The following KCTD16 variants were observed in gnomAD, a reference collection of about 807,000 sequenced individuals.
KCTD16 encodes BTB/POZ domain-containing protein KCTD16.
In KCTD16, 13 loss-of-function variants were observed where a neutral mutation model predicts 33.2. That is an observed-to-expected ratio of 0.39 (90% confidence interval 0.25 to 0.62). The LOEUF is 0.62. Ranked by LOEUF, KCTD16 falls within the 20% of genes least tolerant of loss-of-function variation. KCTD16 has a pLI of 0.50. For missense variants in KCTD16, 441 were observed against 525.1 expected (o/e 0.84, Z 1.57); for synonymous variants, 197 against 195.3 (o/e 1.01, Z -0.07).
chr5:144,458,925 A>G (rs984115132), intron 3 of KCTD16, among the ~76,000 whole-genome samples: 3 of 152,224 alleles, frequency 2.0e-5, no homozygotes, highest in Non-Finnish European at 2.9e-5. Flanking sequence ...GTAATTAACC[A>G]GAATGCATAT....
At chr5:144,226,008 T>A (rs1420132862) in intron 3 of KCTD16, among the ~76,000 whole-genome samples, 1 of 152,252 alleles carries the variant, frequency 6.6e-6, no homozygotes, top group African/African-American at 2.4e-5. Flanking sequence ...TGAATCTTGA[T>A]GAAAATCCTA....
At chr5:144,348,100 A>G (rs1752853512) in intron 3 of KCTD16, among the ~76,000 whole-genome samples, 1 of 152,154 alleles carries the variant, frequency 6.6e-6, no homozygotes, top group Admixed American at 6.6e-5. Flanking sequence ...GTTTAACCAC[A>G]TTCCAATGCC....
At position 144,485,483 on chromosome 5, in the gene KCTD16, A is replaced by C. The variant is rs1220961038; in HGVS notation, c.*11369A>C. 1 of 151,914 alleles carries C rather than the reference A, an allele frequency of 6.6e-6. No homozygotes were observed. Among genetic ancestry groups the C allele is most frequent in the Non-Finnish European group, 1.5e-5 (1 of 67,886 alleles). The allele number at this position is 151,914 out of a possible 1,614,324, so 9.4% of individuals were successfully genotyped here. A position where few individuals can be genotyped will look rare whatever the true frequency, so the allele number is the denominator to read the frequency against. ...ATAGTATGGTAAATGATACAGGTGCAGTATCAGTATTGTAAAATTGTATGG... is the reference window on the plus strand; with the variant it reads ...ATAGTATGGTAAATGATACAGGTGCCGTATCAGTATTGTAAAATTGTATGG... On this transcript the variant is annotated 3_prime_UTR_variant, in exon 4 of 4. Coordinates refer to ENST00000512467, the MANE Select transcript of KCTD16 (RefSeq NM_020768.4).
At chr5:144,290,772 C>T (rs1486394496) in intron 3 of KCTD16, among the ~76,000 whole-genome samples, 1 of 152,152 alleles carries the variant, frequency 6.6e-6, no homozygotes, top group Non-Finnish European at 1.5e-5. Context: ...TTCATAATTT[C>T]AGCTGATGTT....
intron 3 of KCTD16, among the ~76,000 whole-genome samples, chr5:144,370,418 CTG>C (rs1189431436): frequency 5.3e-5 from 8 of 152,188 alleles, no homozygotes; most frequent in Admixed American, 4.6e-4. Flanking sequence ...TGAAAGCAGA[CTG>C]TGCACTGAGA....
intron 3 of KCTD16, among the ~76,000 whole-genome samples, chr5:144,400,860 G>A (rs2126946024): frequency 6.6e-6 from 1 of 152,312 alleles, no homozygotes; most frequent in African/African-American, 2.4e-5. Flanking sequence ...ACTTGGTGGG[G>A]AAGAAGTCAG....
At chr5:144,236,649 A>T (rs886286681) in intron 3 of KCTD16, among the ~76,000 whole-genome samples, 1 of 152,190 alleles carries the variant, frequency 6.6e-6, no homozygotes, top group South Asian at 2.1e-4. Flanking sequence ...AGGGTAATTT[A>T]GGAAAGGCAT....
In KCTD16 at chr5:144,224,390, T is replaced by TTG. The variant is rs569560030; in HGVS notation, c.832+16845_832+16846insGT. 2.3e-3 allele frequency among the ~76,000 whole-genome samples: 342 copies of TTG among 149,226 alleles called. 1 individual carries two copies. The highest frequency in any genetic ancestry group is 4.1e-3 in the Non-Finnish European group (273 of 67,294). The stretch of plus-strand genomic sequence containing the variant: ...ATTGGATCAATATAATGTGTTTTTT[T>TTG]TTTTTTTTTTTTTTCCTCCAAAGGG... On this transcript the variant is annotated intron_variant, in intron 3 of 3. Transcript: ENST00000512467.
chr5:144,337,063 C>T (rs1324704514), intron 3 of KCTD16, among the ~76,000 whole-genome samples: 1 of 151,508 alleles, frequency 6.6e-6, no homozygotes, highest in Non-Finnish European at 1.5e-5. Context: ...TCTTCCTTGT[C>T]CTTATAATTA....
chr5:144,223,030 A>T (rs1753810045), intron 3 of KCTD16, among the ~76,000 whole-genome samples: 1 of 152,198 alleles, frequency 6.6e-6, no homozygotes, highest in Non-Finnish European at 1.5e-5. Flanking sequence ...TGCTCAGCAA[A>T]CTATCGCAAG....
At chr5:144,295,099 A>G (rs1409053281) in intron 3 of KCTD16, among the ~76,000 whole-genome samples, 2 of 152,222 alleles carry the variant, frequency 1.3e-5, no homozygotes, top group African/African-American at 4.8e-5. Flanking sequence ...TAATAACAGT[A>G]TTTGTCACAT....
At chr5:144,241,572 G>T (rs1754404904) in intron 3 of KCTD16, among the ~76,000 whole-genome samples, 1 of 152,170 alleles carries the variant, frequency 6.6e-6, no homozygotes, top group African/African-American at 2.4e-5. Flanking sequence ...TGAAAGGATT[G>T]TAAGTATAAA....
intron 3 of KCTD16, among the ~76,000 whole-genome samples, chr5:144,451,437 G>A (rs1753939486): frequency 1.3e-5 from 2 of 152,166 alleles, no homozygotes; most frequent in South Asian, 4.1e-4. Context: ...TAACTGTGCT[G>A]TTTCTGCCTC....
intron 2 of KCTD16, among the ~76,000 whole-genome samples, chr5:144,179,094 G>A (rs1355681437): frequency 6.6e-6 from 1 of 152,196 alleles, no homozygotes; most frequent in Non-Finnish European, 1.5e-5. Flanking sequence ...TTACAAATGA[G>A]GATCTGAGGC....
At chr5:144,370,727 G>A (rs1387189025) in intron 3 of KCTD16, among the ~76,000 whole-genome samples, 1 of 152,170 alleles carries the variant, frequency 6.6e-6, no homozygotes, top group Admixed American at 6.5e-5. Context: ...CTTTTATGCA[G>A]CAATAAGGAT....
At chr5:144,402,476 TAAGG>T (rs1010931218) in intron 3 of KCTD16, among the ~76,000 whole-genome samples, 11 of 152,138 alleles carry the variant, frequency 7.2e-5, no homozygotes, top group Admixed American at 2.0e-4. Context: ...AGCTTAGTGA[TAAGG>T]AAGAATATAA....
At position 144,207,032 on chromosome 5, in the gene KCTD16, G is replaced by T. The variant is rs1753197741; in HGVS notation, c.318G>T (p.Leu106=). The change falls in exon 3 of 4, where the codon CTG becomes CTT. Residue 106 remains leucine, a synonymous_variant. Transcript: ENST00000512467. ...LPDHFPEKGR[L]KREAEYFQLP... is the part of the protein sequence containing the mutation. ...ATCACTTTCCAGAAAAAGGAAGACT[G>T]AAAAGGGAAGCTGAATACTTCCAGC... The T allele has an allele frequency of 6.2e-7, 1 of 1,614,174 alleles. No homozygotes were observed. Among genetic ancestry groups the T allele is most frequent in the East Asian group, 2.2e-5 (1 of 44,878 alleles).
chr5:144,208,808 A>T (rs1753273561), intron 3 of KCTD16, among the ~76,000 whole-genome samples: 2 of 152,200 alleles, frequency 1.3e-5, no homozygotes, highest in South Asian at 4.1e-4. Context: ...CAACCTGTGG[A>T]AAAAAACGAA....
At chr5:144,322,980 C>A (rs1752113010) in intron 3 of KCTD16, among the ~76,000 whole-genome samples, 1 of 152,078 alleles carries the variant, frequency 6.6e-6, no homozygotes, top group African/African-American at 2.4e-5. Flanking sequence ...CTCCTATGGG[C>A]CCATTGATCC....
Sources: allele counts gnomAD v4.1 joint callset (sites outside exome capture counted in the v4.1 genomes callset), GRCh38; gene constraint gnomAD v4.1.1; transcripts MANE v1.5; gene names NCBI Gene and HGNC (gene_info 2026-07-23, HGNC 2026-07-21).